The following ZNF572 variants were observed in gnomAD, a reference collection of about 807,000 sequenced individuals.
The protein encoded by ZNF572 is zinc finger protein 572.
Under a neutral mutation model 3.8 loss-of-function variants are expected in ZNF572, and 2 were observed. That is an observed-to-expected ratio of 0.52 (90% confidence interval 0.21 to 1.65). The LOEUF (loss-of-function observed/expected upper bound fraction) is 1.65. Among genes scored for constraint, ZNF572 ranks in the 40% most tolerant of loss-of-function variants. The pLI is 0.20. For missense variants in ZNF572, 581 were observed against 633.4 expected, an observed-to-expected ratio of 0.92 and a Z score of 0.89; for synonymous variants, 187 against 204.5, an observed-to-expected ratio of 0.91 and a Z score of 0.73.
In ZNF572 at chr8:124,976,947, A is replaced by C; in HGVS notation, c.679A>C (p.Ser227Arg). 1 of 1,614,182 alleles carries C rather than the reference A, an allele frequency of 6.2e-7. No individual in the cohort carries two copies. Among genetic ancestry groups the C allele is most frequent in the African/African-American group, 1.3e-5 (1 of 75,050 alleles). ...TCCCGAGTGTGGGAAGAGATTCAGC[A>C]GCAGCTCTCACCTTATTCAGCATCA... is the stretch of plus-strand genomic sequence containing the variant. Reference protein sequence around the residue: ...KCPECGKRFSSSSHLIQHHRS... With the variant: ...KCPECGKRFSRSSHLIQHHRS... Residue 227 changes from serine to arginine, a missense_variant, in exon 3 of 3, where the codon AGC (serine) becomes CGC (arginine). Coordinates refer to ENST00000319286, the MANE Select transcript of ZNF572 (RefSeq NM_152412.3).
intron 1 of ZNF572, 104 bp from the exon 2 acceptor site, chr8:124,975,502 G>A (rs1248210134): frequency 1.5e-6 from 1 of 656,712 alleles, no homozygotes; most frequent in East Asian, 2.7e-5. Flanking sequence ...TATGGTTCAT[G>A]GAACATTCTA....
Position 124,975,708 on chromosome 8 carries a change from G to A in ZNF572, c.68G>A (p.Ser23Asn). The change falls in exon 2 of 3, where the codon AGC becomes AAC. Residue 23 changes from serine to asparagine, a missense_variant. By Grantham distance (46) the Ser-to-Asn change is conservative. Transcript: ENST00000319286. ...NSFMERESLKSPFTGDTSMNN... is the reference protein window; with the variant it reads ...NSFMERESLKNPFTGDTSMNN... ...TTTATGGAGAGGGAGAGTTTGAAAA[G>A]CCCTTTCACAGGTGAGGGATCAAGA... 1 of 1,613,820 alleles carries A rather than the reference G, an allele frequency of 6.2e-7. No individual in the cohort carries two copies. Among genetic ancestry groups the A allele is most frequent in the Non-Finnish European group, 8.5e-7 (1 of 1,179,806 alleles).
intron 1 of ZNF572, among the ~76,000 whole-genome samples, chr8:124,973,868 AT>A (rs1213726616): frequency 6.6e-6 from 1 of 152,180 alleles, no homozygotes; most frequent in Non-Finnish European, 1.5e-5. Flanking sequence ...TTGCTGCCAA[AT>A]TTAATAGTAT....
chr8:124,977,984 C>T lies in ZNF572; in HGVS notation c.*126C>T. 1 of 1,108,416 alleles carries T rather than the reference C, an allele frequency of 9.0e-7. No homozygotes were observed. Among genetic ancestry groups the T allele is most frequent in the Non-Finnish European group, 1.2e-6 (1 of 804,340 alleles). The allele number at this position is 1,108,416 out of a possible 1,614,324, so 68.7% of individuals were successfully genotyped here. ...GTCAAAACATTTGGAAAAAGTCAAC[C>T]TCCCAGTTTAAAGGATGGGAAGACC... On this transcript the variant is annotated 3_prime_UTR_variant, in exon 3 of 3. Coordinates refer to ENST00000319286, the MANE Select transcript of ZNF572 (RefSeq NM_152412.3).
chr8:124,975,568 A>T lies in ZNF572; in HGVS notation c.-35-38A>T, dbSNP rs1814496527. On this transcript the variant is annotated intron_variant, in intron 1 of 2. Coordinates refer to ENST00000319286, the MANE Select transcript of ZNF572 (RefSeq NM_152412.3). ...GAAGGAAGGAGGAAGAATAAGCTTT[A>T]ACAAATACCTCCAAACATAATTTAT... 7.0e-6 allele frequency: 9 copies of T among 1,280,040 alleles called. No homozygotes were observed. In the Admixed American group the frequency reaches 1.4e-4, roughly 19 times the overall value. 79.3% of individuals were successfully genotyped at this position (1,280,040 alleles called of 1,614,324 possible).
chr8:124,975,782 A>G (rs1814499084), intron 2 of ZNF572, 63 bp downstream of exon 2: 5 of 1,266,794 alleles, frequency 3.9e-6, no homozygotes, highest in Non-Finnish European at 5.8e-6. Flanking sequence ...ACAGGACACT[A>G]GAATGAGACA....
chr8:124,974,731 C>G (rs1814484171), intron 1 of ZNF572, among the ~76,000 whole-genome samples: 1 of 152,040 alleles, frequency 6.6e-6, no homozygotes, highest in South Asian at 2.1e-4. Flanking sequence ...CTCTGTCACC[C>G]AGGCTGGAGT....
In ZNF572 at chr8:124,977,146, C is replaced by T. The variant is rs762802697; in HGVS notation, c.878C>T (p.Thr293Ile). The T allele has an allele frequency of 1.2e-6, 2 of 1,608,898 alleles. No homozygotes were observed. The highest frequency in any genetic ancestry group is 1.7e-6 in the Non-Finnish European group (2 of 1,179,958). The change falls in exon 3 of 3, where the codon ACA (threonine) becomes ATA (isoleucine). Residue 293 changes from threonine to isoleucine, a missense_variant. Physicochemically the swap from Thr to Ile is moderately conservative, Grantham distance 89 (BLOSUM62 -1). Coordinates refer to ENST00000319286, the MANE Select transcript of ZNF572 (RefSeq NM_152412.3). ...QSSSLIRHQR[T>I]HTGEKPYKCL... ...TCCAGCCTCATTCGCCACCAGCGGA[C>T]ACACACAGGTGAGAAGCCCTACAAA...
chr8:124,977,667 C>T lies in ZNF572; in HGVS notation c.1399C>T (p.Pro467Ser). Residue 467 changes from proline (P) to serine (S), a missense_variant, in exon 3 of 3, where the codon CCT (proline) becomes TCT (serine). Coordinates refer to ENST00000319286, the MANE Select transcript of ZNF572 (RefSeq NM_152412.3). The stretch of plus-strand genomic sequence containing the variant: ...CCGGAGGACCCACATAGGGGAAAAA[C>T]CTTACAAATGTACCAGCTGTGAGAA... Reference protein sequence around the residue: ...RHRRTHIGEKPYKCTSCEKCF... With the variant: ...RHRRTHIGEKSYKCTSCEKCF... The T allele has an allele frequency of 6.2e-7, 1 of 1,614,178 alleles. No individual in the cohort carries two copies. Among genetic ancestry groups the T allele is most frequent in the Middle Eastern group, 1.6e-4 (1 of 6,062 alleles).
rs1814547904 is a variant in ZNF572 at position 124,978,647 on chromosome 8, AGTATTGAAGACACTGGG to A, written c.*790_*806del. 6.6e-6 allele frequency: 1 copy of A among 152,186 alleles called. No individual in the cohort carries two copies. Among genetic ancestry groups the A allele is most frequent in the Admixed American group, 6.6e-5 (1 of 15,266 alleles). The allele number at this position is 152,186 out of a possible 1,614,324, so 9.4% of individuals were successfully genotyped here. On this transcript the variant is annotated 3_prime_UTR_variant, in exon 3 of 3. Transcript: ENST00000319286. ...GTAATATAGAGTAGAATTGGGATAGAGTATTGAAGACACTGGGTTTAGACATTGGATATTTTAATGAT... is the reference window on the plus strand; with the variant it reads ...GTAATATAGAGTAGAATTGGGATAGATTTAGACATTGGATATTTTAATGAT...
Position 124,977,290 on chromosome 8 carries a change from C to T in ZNF572, c.1022C>T (p.Ser341Leu). 1 of 1,614,060 alleles carries T rather than the reference C, an allele frequency of 6.2e-7. No individual in the cohort carries two copies. The highest frequency in any genetic ancestry group is 8.5e-7 in the Non-Finnish European group (1 of 1,180,028). The change falls in exon 3 of 3, where the codon TCA (serine) becomes TTA (leucine). Residue 341 changes from serine to leucine, a missense_variant. Ser to Leu is a moderately radical substitution (Grantham distance 145, BLOSUM62 -2). Coordinates refer to ENST00000319286, the MANE Select transcript of ZNF572 (RefSeq NM_152412.3). ...TGTGGGAAGAATTTTAGTCGTAGTTCAAACCTTATTACACACCAGAAAATG... is the reference window on the plus strand; with the variant it reads ...TGTGGGAAGAATTTTAGTCGTAGTTTAAACCTTATTACACACCAGAAAATG... ...PECGKNFSRS[S>L]NLITHQKMHT...
At chr8:124,974,625 T>A (rs1171945248) in intron 1 of ZNF572, among the ~76,000 whole-genome samples, 1 of 152,222 alleles carries the variant, frequency 6.6e-6, no homozygotes, top group East Asian at 1.9e-4. Flanking sequence ...CTGAAATGGA[T>A]GCCAAAAGTC....
rs539029785 is a variant in ZNF572 at position 124,977,379 on chromosome 8, G to A, written c.1111G>A (p.Val371Met). ...YEESLGQNCN[V>M]IEECRIQLGE... ...GGAAAGTTTGGGTCAGAACTGCAATGTGATAGAAGAATGCAGAATCCAGTT... is the reference window on the plus strand; with the variant it reads ...GGAAAGTTTGGGTCAGAACTGCAATATGATAGAAGAATGCAGAATCCAGTT... The change falls in exon 3 of 3, where the codon GTG (valine) becomes ATG (methionine). Residue 371 changes from valine to methionine, a missense_variant. By Grantham distance (21) the Val-to-Met change is conservative. Coordinates refer to ENST00000319286, the MANE Select transcript of ZNF572 (RefSeq NM_152412.3). The A allele has an allele frequency of 4.6e-5, 75 of 1,614,182 alleles. No homozygotes were observed. The highest frequency in any genetic ancestry group is 6.4e-5 in the Non-Finnish European group (75 of 1,180,030).
chr8:124,975,773 C>G (rs1564126505), intron 2 of ZNF572, 54 bp downstream of exon 2: 1 of 1,389,728 alleles, frequency 7.2e-7, no homozygotes, highest in African/African-American at 1.4e-5. Context: ...GTAGAAAGAA[C>G]AGGACACTAG....
At position 124,977,655 on chromosome 8, in the gene ZNF572, A is replaced by G. The variant is rs1588105446; in HGVS notation, c.1387A>G (p.Ile463Val). Residue 463 changes from isoleucine to valine, a missense_variant, in exon 3 of 3, where the codon ATA (isoleucine) becomes GTA (valine). Physicochemically the swap from Ile to Val is conservative, Grantham distance 29. Coordinates refer to ENST00000319286, the MANE Select transcript of ZNF572 (RefSeq NM_152412.3). ...FNLIRHRRTH[I>V]GEKPYKCTSC... ...CCTTATCAGGCACCGGAGGACCCAC[A>G]TAGGGGAAAAACCTTACAAATGTAC... is the stretch of plus-strand genomic sequence containing the variant. 1.2e-6 allele frequency: 2 copies of G among 1,614,230 alleles called. No homozygotes were observed. Among genetic ancestry groups the G allele is most frequent in the Non-Finnish European group, 1.7e-6 (2 of 1,180,038 alleles).
chr8:124,976,423 C>G lies in ZNF572; in HGVS notation c.155C>G (p.Ser52Ter). The change falls in exon 3 of 3, where the codon TCA (serine) becomes TGA (stop). Residue 52 changes from serine to a stop codon, truncating the protein, a stop_gained. Transcript: ENST00000319286. LOFTEE classifies it low-confidence loss of function (END_TRUNC). ...SKADKLKEKP[S>*]EWSKRHRPQH... ...GCAGATAAACTTAAAGAGAAACCTTCAGAATGGTCTAAAAGACATAGACCA... is the reference window on the plus strand; with the variant it reads ...GCAGATAAACTTAAAGAGAAACCTTGAGAATGGTCTAAAAGACATAGACCA... The G allele has an allele frequency of 6.2e-7, 1 of 1,613,816 alleles. No homozygotes were observed. The highest frequency in any genetic ancestry group is 8.5e-7 in the Non-Finnish European group (1 of 1,179,904).
chr8:124,977,441 G>A lies in ZNF572; in HGVS notation c.1173G>A (p.Lys391=). 1 of 1,614,116 alleles carries A rather than the reference G, an allele frequency of 6.2e-7. No individual in the cohort carries two copies. The highest frequency in any genetic ancestry group is 8.5e-7 in the Non-Finnish European group (1 of 1,180,002). Residue 391 remains lysine (K), a synonymous_variant, in exon 3 of 3, where the codon AAG becomes AAA. Transcript: ENST00000319286. ...EKPYRCCECG[K]SFGLSSHLIR... ...CATATAGATGTTGTGAATGTGGGAAGAGTTTTGGCCTTAGCTCCCATCTCA... is the reference window on the plus strand; with the variant it reads ...CATATAGATGTTGTGAATGTGGGAAAAGTTTTGGCCTTAGCTCCCATCTCA...
At chr8:124,974,001 C>G in intron 1 of ZNF572, among the ~76,000 whole-genome samples, 2 of 152,224 alleles carry the variant, frequency 1.3e-5, no homozygotes, top group Middle Eastern at 6.8e-3. Context: ...CGAACAACTC[C>G]ACCCCCTTCC....
intron 1 of ZNF572, among the ~76,000 whole-genome samples, chr8:124,974,710 A>G (rs1282365436): frequency 6.6e-6 from 1 of 151,016 alleles, no homozygotes; most frequent in Non-Finnish European, 1.5e-5. Flanking sequence ...TTTTGTTGAG[A>G]CAGAGTCTTG....
Sources: allele counts gnomAD v4.1 joint callset (sites outside exome capture counted in the v4.1 genomes callset), GRCh38; gene constraint gnomAD v4.1.1; transcripts MANE v1.5; gene names NCBI Gene and HGNC (gene_info 2026-07-23, HGNC 2026-07-21).